The following HTR1E variants were observed in gnomAD, a reference collection of about 807,000 sequenced individuals.
HTR1E encodes the protein 5-HT-1E.
Under a neutral mutation model 3.4 loss-of-function variants are expected in HTR1E, and 3 were observed. The observed-to-expected ratio is 0.89, with a 90% confidence interval of 0.41 to 2.31. HTR1E has a LOEUF of 2.31. Among genes scored for constraint, HTR1E ranks in the 30% most tolerant of loss-of-function variants. HTR1E has a pLI of 0.05. For missense variants in HTR1E, 392 were observed against 467.0 expected, an observed-to-expected ratio of 0.84 and a Z score of 1.48; for synonymous variants, 170 against 182.8, an observed-to-expected ratio of 0.93 and a Z score of 0.56.
chr6:86,980,534 T>G (rs1010859018), intron 1 of HTR1E, among the ~76,000 whole-genome samples: 1 of 152,174 alleles, frequency 6.6e-6, no homozygotes, highest in Non-Finnish European at 1.5e-5. Context: ...AGATATTTAG[T>G]TCCACAGTAG....
rs1027967994 is a variant in HTR1E at position 86,993,816 on chromosome 6, GA to G, written c.-185-21324del. Among the ~76,000 whole-genome samples, 275 of 147,192 alleles carry G rather than the reference GA, an allele frequency of 1.9e-3. 1 individual carries two copies. Among genetic ancestry groups the G allele is most frequent in the African/African-American group, 5.9e-3 (236 of 40,180 alleles). ...GACCAGGAAAATTTAACTTAAATGA[GA>G]AAAAAAAAATCTGCAGACGAAAAGG... On this transcript the variant is annotated intron_variant, in intron 1 of 1. Coordinates refer to ENST00000305344, the MANE Select transcript of HTR1E (RefSeq NM_000865.3).
chr6:87,005,977 G>T (rs545299778), intron 1 of HTR1E, among the ~76,000 whole-genome samples: 1 of 152,198 alleles, frequency 6.6e-6, no homozygotes, highest in Non-Finnish European at 1.5e-5. Flanking sequence ...TATATGAAAA[G>T]GTCTTCAATA....
intron 1 of HTR1E, among the ~76,000 whole-genome samples, chr6:86,972,477 T>C (rs1767574142): frequency 6.6e-6 from 1 of 152,180 alleles, no homozygotes; most frequent in African/African-American, 2.4e-5. Flanking sequence ...GGGGCAGTTT[T>C]CCAAGTTGTA....
At chr6:86,998,122 T>C (rs546247580) in intron 1 of HTR1E, among the ~76,000 whole-genome samples, 4 of 151,962 alleles carry the variant, frequency 2.6e-5, no homozygotes, top group African/African-American at 7.2e-5. Context: ...AAGGGAGAAA[T>C]TGACATACCC....
chr6:87,010,131 C>T (rs1768188443), intron 1 of HTR1E, among the ~76,000 whole-genome samples: 10 of 123,742 alleles, frequency 8.1e-5, no homozygotes, highest in South Asian at 2.8e-4. Context: ...CCAGTAGGGG[C>T]GGCCGGGCAG....
intron 1 of HTR1E, among the ~76,000 whole-genome samples, chr6:86,991,317 T>C (rs1767867451): frequency 6.6e-6 from 1 of 152,150 alleles, no homozygotes; most frequent in South Asian, 2.1e-4. Flanking sequence ...GTTTAGTTAA[T>C]AGTAACGAGC....
In HTR1E at chr6:86,948,131, G is replaced by A. The variant is rs577132246; in HGVS notation, c.-186+10308G>A. On this transcript the variant is annotated intron_variant, in intron 1 of 1. Transcript: ENST00000305344. ...TCCCACTTATGAGTGAGAACACGTG[G>A]TGTTTGGTTTTCTGTTCCTGTGTTA... 7.2e-5 allele frequency among the ~76,000 whole-genome samples: 11 copies of A among 152,238 alleles called. 1 individual carries two copies. The South Asian group carries it at 2.3e-3, about 32-fold the overall frequency.
intron 1 of HTR1E, among the ~76,000 whole-genome samples, chr6:86,974,605 G>C (rs534129990): frequency 6.6e-6 from 1 of 152,244 alleles, no homozygotes; most frequent in Admixed American, 6.5e-5. Context: ...ATTGCAATTT[G>C]TTCTATTATT....
chr6:86,948,178 C>T (rs1478164354), intron 1 of HTR1E, among the ~76,000 whole-genome samples: 1 of 152,176 alleles, frequency 6.6e-6, no homozygotes, highest in Non-Finnish European at 1.5e-5. Context: ...ATGATGGCTT[C>T]CAGCTTCATC....
intron 1 of HTR1E, among the ~76,000 whole-genome samples, chr6:86,996,794 C>T (rs1489888084): frequency 6.6e-6 from 1 of 151,944 alleles, no homozygotes; most frequent in Non-Finnish European, 1.5e-5. Flanking sequence ...GATTGTTTCT[C>T]TAGAGAATTC....
intron 1 of HTR1E, among the ~76,000 whole-genome samples, chr6:87,000,461 C>A (rs1768004450): frequency 6.6e-6 from 1 of 152,102 alleles, no homozygotes; most frequent in South Asian, 2.1e-4. Context: ...AATAATCAAA[C>A]TCCCAAAGGA....
intron 1 of HTR1E, among the ~76,000 whole-genome samples, chr6:87,001,267 A>C (rs923903547): frequency 1.5e-4 from 23 of 152,240 alleles, no homozygotes; most frequent in Admixed American, 5.2e-4. Context: ...ACCAGAAAGC[A>C]ACCCAAAACA....
intron 1 of HTR1E, among the ~76,000 whole-genome samples, chr6:87,013,157 G>A (rs1768262332): frequency 1.3e-5 from 2 of 152,166 alleles, no homozygotes; most frequent in Non-Finnish European, 2.9e-5. Flanking sequence ...CTCTTCATCT[G>A]CTGCAAAGGA....
chr6:86,960,594 T>C (rs1379392369), intron 1 of HTR1E, among the ~76,000 whole-genome samples: 3 of 152,150 alleles, frequency 2.0e-5, no homozygotes, highest in African/African-American at 7.2e-5. Context: ...CATTGAGCTG[T>C]AGTGGGTGGG....
At chr6:86,952,647 A>T (rs1767264662) in intron 1 of HTR1E, among the ~76,000 whole-genome samples, 1 of 152,132 alleles carries the variant, frequency 6.6e-6, no homozygotes, top group Non-Finnish European at 1.5e-5. Context: ...ATATCTAGCA[A>T]CTGAATCCTA....
Position 87,016,161 on chromosome 6 carries a change from G to T in HTR1E, c.827G>T (p.Gly276Val). 1 of 1,614,114 alleles carries T rather than the reference G, an allele frequency of 6.2e-7. No individual in the cohort carries two copies. Among genetic ancestry groups the T allele is most frequent in the Non-Finnish European group, 8.5e-7 (1 of 1,180,018 alleles). Residue 276 changes from glycine to valine, a missense_variant, in exon 2 of 2, where the codon GGA (glycine) becomes GTA (valine). Transcript: ENST00000305344. ...TTCGACAATGATCTAGATCACCCAG[G>T]AGAACGTCAGCAGATCTCTAGCACC... The part of the protein sequence containing the change: ...PPFDNDLDHP[G>V]ERQQISSTRE...
rs142887615 is a variant in HTR1E, at chr6:86,945,646, A to G, written c.-186+7823A>G. Among the ~76,000 whole-genome samples, 68 of 152,348 alleles carry G rather than the reference A, an allele frequency of 4.5e-4. 1 individual carries two copies. In the East Asian group the frequency reaches 0.013, roughly 28 times the overall value. On this transcript the variant is annotated intron_variant, in intron 1 of 1. Transcript: ENST00000305344. ...TGAGAATATTTTTGTATAGCTATACAATGTGTTTTAAGCTAAGTGCTATTA... is the reference window on the plus strand; with the variant it reads ...TGAGAATATTTTTGTATAGCTATACGATGTGTTTTAAGCTAAGTGCTATTA...
At chr6:86,985,558 T>A (rs756305473) in intron 1 of HTR1E, among the ~76,000 whole-genome samples, 3 of 152,120 alleles carry the variant, frequency 2.0e-5, no homozygotes, top group Non-Finnish European at 2.9e-5. Flanking sequence ...AAGGCTCAGA[T>A]AAGCAGAAGA....
chr6:86,978,598 T>C (rs1449229679), intron 1 of HTR1E, among the ~76,000 whole-genome samples: 1 of 152,220 alleles, frequency 6.6e-6, no homozygotes, highest in Non-Finnish European at 1.5e-5. Context: ...AATAAATTTC[T>C]TTACTGTATA....
Sources: gnomAD v4.1 joint callset for allele counts (sites outside exome capture counted in the v4.1 genomes callset) on GRCh38, gnomAD v4.1.1 for gene constraint, MANE v1.5 for transcripts, NCBI Gene and HGNC (gene_info 2026-07-23, HGNC 2026-07-21) for gene names.